CADPS2: variants seen among roughly 807,000 people sequenced by gnomAD.
CADPS2 encodes calcium-dependent secretion activator 2.
Under a neutral mutation model 172.5 loss-of-function variants are expected in CADPS2, and 93 were observed. That is an observed-to-expected ratio of 0.54 (90% CI 0.46 to 0.64). The LOEUF (loss-of-function observed/expected upper bound fraction) is 0.64. Among genes scored for constraint, CADPS2 ranks in the 30% least tolerant of loss-of-function variants. The probability of loss-of-function intolerance (pLI) is 0.00; values close to 1 mark genes in which losing one functional copy is unlikely to be tolerated. For missense variants in CADPS2, 1,420 were observed against 1,565.9 expected (o/e 0.91, Z 1.57); for synonymous variants, 546 against 555.2 (o/e 0.98, Z 0.23).
chr7:122,693,967 A>G (rs1034340685), intron 2 of CADPS2, among the ~76,000 whole-genome samples: 6 of 152,230 alleles, frequency 3.9e-5, no homozygotes, highest in Non-Finnish European at 8.8e-5. Flanking sequence ...TCTGTCTCAA[A>G]AAAATAAAAG....
intron 25 of CADPS2, among the ~76,000 whole-genome samples, chr7:122,370,061 A>G (rs2041571899): frequency 6.6e-6 from 1 of 152,084 alleles, no homozygotes; most frequent in Admixed American, 6.5e-5. Context: ...TCTCTTACTT[A>G]AATGGTCCTT....
chr7:122,841,993 T>C lies in CADPS2; in HGVS notation c.339+44006A>G, dbSNP rs896622283. On this transcript the variant is annotated intron_variant, in intron 1 of 29. Coordinates refer to ENST00000449022, the MANE Select transcript of CADPS2 (RefSeq NM_017954.11). ...CAAGGTGTGGGTGAAGAGAAACCAT[T>C]AGGGATGGGAAGCAGGCCTGGGTTA... Among the ~76,000 whole-genome samples, 24 of 152,100 alleles carry C rather than the reference T, an allele frequency of 1.6e-4. 1 individual carries two copies. Among genetic ancestry groups the C allele is most frequent in the Non-Finnish European group, 4.4e-5 (3 of 67,984 alleles).
intron 2 of CADPS2, among the ~76,000 whole-genome samples, chr7:122,709,487 A>G (rs2088279663): frequency 6.6e-6 from 1 of 151,912 alleles, no homozygotes; most frequent in Non-Finnish European, 1.5e-5. Flanking sequence ...ACCATTGTGG[A>G]AGCCAGTGCA....
intron 3 of CADPS2, among the ~76,000 whole-genome samples, chr7:122,638,743 A>C (rs1451381907): frequency 6.6e-6 from 1 of 152,138 alleles, no homozygotes; most frequent in African/African-American, 2.4e-5. Context: ...TTACTCACTA[A>C]TTCTATCCCT....
intron 6 of CADPS2, among the ~76,000 whole-genome samples, chr7:122,592,687 G>C (rs529027076): frequency 6.6e-6 from 1 of 152,098 alleles, no homozygotes; most frequent in African/African-American, 2.4e-5. Context: ...GTCCTTTATG[G>C]GGACATGGAT....
chr7:122,572,960 A>C (rs906877743), intron 7 of CADPS2, among the ~76,000 whole-genome samples: 4 of 152,102 alleles, frequency 2.6e-5, no homozygotes, highest in Non-Finnish European at 5.9e-5. Context: ...CCACAAACAA[A>C]ATTTGCATGC....
chr7:122,583,790 A>G (rs978870865), intron 6 of CADPS2, among the ~76,000 whole-genome samples: 1 of 151,278 alleles, frequency 6.6e-6, no homozygotes, highest in African/African-American at 2.4e-5. Flanking sequence ...CATAACATAC[A>G]TATCATATAC....
intron 7 of CADPS2, among the ~76,000 whole-genome samples, chr7:122,560,993 A>G (rs2065680567): frequency 6.6e-6 from 1 of 152,162 alleles, no homozygotes. Context: ...GGAAATCTAT[A>G]TTATTCCTTA....
chr7:122,660,835 G>T lies in CADPS2; in HGVS notation c.786+2402C>A, dbSNP rs191435422. On this transcript the variant is annotated intron_variant, in intron 3 of 29. Transcript: ENST00000449022. ...TGAGGCAGAAGAATCACCTGAACCC[G>T]GGAGGTGGAGGTTGCAGTAAGTTGA... Among the ~76,000 whole-genome samples, 27 of 152,182 alleles carry T rather than the reference G, an allele frequency of 1.8e-4. No homozygotes were observed. In the East Asian group the frequency reaches 5.2e-3, roughly 29 times the overall value.
intron 2 of CADPS2, chr7:122,698,164 T>G: frequency 6.2e-7 from 1 of 1,613,956 alleles, no homozygotes; most frequent in Non-Finnish European, 8.5e-7. Flanking sequence ...GCTATCCCCA[T>G]TTGGATTTAT....
intron 8 of CADPS2, among the ~76,000 whole-genome samples, chr7:122,540,615 A>G (rs1261766401): frequency 6.6e-6 from 1 of 152,148 alleles, no homozygotes; most frequent in Non-Finnish European, 1.5e-5. Flanking sequence ...TCTCTCAGCA[A>G]TTAAAACGGC....
At chr7:122,748,901 G>A (rs1260240856) in intron 1 of CADPS2, among the ~76,000 whole-genome samples, 2 of 151,970 alleles carry the variant, frequency 1.3e-5, no homozygotes, top group African/African-American at 2.4e-5. Context: ...TTATTATCAG[G>A]TATCTCAAAA....
intron 28 of CADPS2, among the ~76,000 whole-genome samples, chr7:122,329,371 C>A (rs1230065393): frequency 6.6e-6 from 1 of 152,086 alleles, no homozygotes; most frequent in African/African-American, 2.4e-5. Context: ...CTGAGCCGGG[C>A]GGGATCCACG....
chr7:122,729,925 A>C (rs964181385), intron 2 of CADPS2, among the ~76,000 whole-genome samples: 8 of 151,812 alleles, frequency 5.3e-5, no homozygotes, highest in African/African-American at 1.4e-4. Context: ...TCAGTGATTT[A>C]TAATCATGAA....
chr7:122,494,521 G>T (rs2129966797), intron 9 of CADPS2, among the ~76,000 whole-genome samples: 1 of 151,776 alleles, frequency 6.6e-6, no homozygotes, highest in Non-Finnish European at 1.5e-5. Flanking sequence ...AAGCAAAAAT[G>T]TAGACTGTGA....
intron 8 of CADPS2, among the ~76,000 whole-genome samples, chr7:122,530,004 G>T (rs1352707901): frequency 4.6e-5 from 7 of 151,944 alleles, no homozygotes; most frequent in Non-Finnish European, 1.5e-5. Context: ...GACTCTATAA[G>T]ACATATTTTG....
At chr7:122,481,033 A>G (rs995754400) in intron 11 of CADPS2, among the ~76,000 whole-genome samples, 173 bp from the exon 12 acceptor site, 3 of 152,172 alleles carry the variant, frequency 2.0e-5, no homozygotes, top group Non-Finnish European at 4.4e-5. Flanking sequence ...ATGTAAGTCA[A>G]TGGAGGGAGG....
At chr7:122,479,957 T>C (rs2057095481) in intron 12 of CADPS2, among the ~76,000 whole-genome samples, 1 of 152,220 alleles carries the variant, frequency 6.6e-6, no homozygotes, top group Non-Finnish European at 1.5e-5. Flanking sequence ...TCATATTGTA[T>C]TATGTGACAC....
At chr7:122,834,403 G>A (rs577882763) in intron 1 of CADPS2, among the ~76,000 whole-genome samples, 31 of 152,248 alleles carry the variant, frequency 2.0e-4, no homozygotes, top group South Asian at 6.2e-4. Context: ...CTGAGGTACC[G>A]GGTTCATCTC....
Sources: allele counts gnomAD v4.1 joint callset (sites outside exome capture counted in the v4.1 genomes callset), GRCh38; gene constraint gnomAD v4.1.1; transcripts MANE v1.5; gene names NCBI Gene and HGNC (gene_info 2026-07-23, HGNC 2026-07-21).